Variants in PPP1CB observed in about 807,000 individuals in gnomAD.
The protein encoded by PPP1CB is serine/threonine-protein phosphatase PP1-beta catalytic subunit.
In PPP1CB, 2 loss-of-function variants were observed where a neutral mutation model predicts 43.7. The observed-to-expected ratio is 0.05, with a 90% CI of 0.02 to 0.14. PPP1CB has a LOEUF of 0.14. PPP1CB is among the 10% of genes least tolerant of loss of function. PPP1CB has a pLI of 1.00. For synonymous variants in PPP1CB, 136 were observed against 135.6 expected (o/e 1.00, Z -0.02); for missense variants, 84 against 398.0 (o/e 0.21, Z 6.71).
At chr2:28,765,640 G>C (rs1666763514) in intron 1 of PPP1CB, among the ~76,000 whole-genome samples, 1 of 152,014 alleles carries the variant, frequency 6.6e-6, no homozygotes, top group South Asian at 2.1e-4. Flanking sequence ...TTGCTGACTG[G>C]GTATGGTGGC....
At chr2:28,751,771 A>G (rs983015928), upstream of PPP1CB, 2 of 331,596 alleles carry the variant, frequency 6.0e-6, no homozygotes, top group East Asian at 9.9e-5. Context: ...GCGGCGCGCA[A>G]GGGACGTGCG....
intron 1 of PPP1CB, among the ~76,000 whole-genome samples, chr2:28,770,629 C>T (rs1229885343): frequency 6.6e-6 from 1 of 151,934 alleles, no homozygotes. Flanking sequence ...TTAAAATAGA[C>T]AAAACCACAA....
In PPP1CB at chr2:28,799,472, C is replaced by A; in HGVS notation, c.*169C>A. ...AATTTTTTTCTAATAGAAAGATGTG[C>A]TACACTGTATTGTAATAAGTATACT... On this transcript the variant is annotated 3_prime_UTR_variant, in exon 8 of 8. Transcript: ENST00000395366. 1.8e-6 allele frequency: 1 copy of A among 544,240 alleles called. No individual in the cohort carries two copies. The highest frequency in any genetic ancestry group is 3.3e-6 in the Non-Finnish European group (1 of 304,944). The allele number at this position is 544,240 out of a possible 1,614,324, so 33.7% of individuals were successfully genotyped here. A position where few individuals can be genotyped will look rare whatever the true frequency, so the allele number is the denominator to read the frequency against.
At position 28,788,154 on chromosome 2, in the gene PPP1CB, A is replaced by G. The variant is rs577061300; in HGVS notation, c.593-504A>G. 2.0e-5 allele frequency among the ~76,000 whole-genome samples: 3 copies of G among 152,304 alleles called. No homozygotes were observed. In the South Asian group the frequency reaches 6.2e-4, roughly 32 times the overall value. ...AAAAGATCAAAAAGTAACCAAGACA[A>G]TCCTGAAAAAAAAATGGAGGATACT... On this transcript the variant is annotated intron_variant, in intron 5 of 7. Transcript: ENST00000395366.
At chr2:28,764,079 C>T (rs901963096) in intron 1 of PPP1CB, among the ~76,000 whole-genome samples, 6 of 151,730 alleles carry the variant, frequency 4.0e-5, no homozygotes, top group Admixed American at 6.6e-5. Flanking sequence ...CACTTAAAAC[C>T]GTGTGTGTGT....
At chr2:28,766,316 A>G (rs562533518) in intron 1 of PPP1CB, among the ~76,000 whole-genome samples, 1 of 152,330 alleles carries the variant, frequency 6.6e-6, no homozygotes, top group South Asian at 2.1e-4. Flanking sequence ...CATGTAACTG[A>G]CAGTGGTTAA....
intron 1 of PPP1CB, among the ~76,000 whole-genome samples, chr2:28,769,166 CTG>C (rs1299721248): frequency 8.5e-5 from 13 of 152,134 alleles, no homozygotes; most frequent in Middle Eastern, 3.2e-3. Flanking sequence ...TCACCTGAAA[CTG>C]TGGAAGACAG....
rs185414912 is a variant in PPP1CB at position 28,802,603 on chromosome 2, C to G, written c.*3300C>G. On this transcript the variant is annotated 3_prime_UTR_variant, in exon 8 of 8. Coordinates refer to ENST00000395366, the MANE Select transcript of PPP1CB (RefSeq NM_002709.3). ...GAACAGTAGTTAAATAGGAAATAAA[C>G]TAGTTCCATATAAGTATACACCTAG... 6.6e-6 allele frequency: 1 copy of G among 152,302 alleles called. No individual in the cohort carries two copies. Among genetic ancestry groups the G allele is most frequent in the African/African-American group, 2.4e-5 (1 of 41,548 alleles). 9.4% of individuals were successfully genotyped at this position (152,302 alleles called of 1,614,324 possible).
At chr2:28,755,059 T>G (rs1017608376) in intron 1 of PPP1CB, among the ~76,000 whole-genome samples, 2 of 152,144 alleles carry the variant, frequency 1.3e-5, no homozygotes, top group Non-Finnish European at 2.9e-5. Context: ...TTGTTTTTTG[T>G]TTTTTTGAGA....
chr2:28,794,500 C>G (rs1413185375), intron 7 of PPP1CB, among the ~76,000 whole-genome samples: 1 of 152,042 alleles, frequency 6.6e-6, no homozygotes, highest in Non-Finnish European at 1.5e-5. Flanking sequence ...ACCGTCCTGG[C>G]TAACACTGTG....
Position 28,751,842 on chromosome 2 carries a change from G to C in PPP1CB, c.-283G>C. ...GCTGGTGAGCTTTGCGGAGCTGGGC[G>C]GTGCCGAGGAGGAGGAGGTGGCGGC... On this transcript the variant is annotated 5_prime_UTR_variant, in exon 1 of 8. Transcript: ENST00000395366. 1 of 525,162 alleles carries C rather than the reference G, an allele frequency of 1.9e-6. No individual in the cohort carries two copies. Among genetic ancestry groups the C allele is most frequent in the South Asian group, 1.9e-5 (1 of 52,646 alleles). 32.5% of individuals were successfully genotyped at this position (525,162 alleles called of 1,614,324 possible). A position where few individuals can be genotyped will look rare whatever the true frequency, so the allele number is the denominator to read the frequency against.
intron 5 of PPP1CB, among the ~76,000 whole-genome samples, chr2:28,788,204 T>C (rs529678392): frequency 2.6e-5 from 4 of 152,122 alleles, no homozygotes; most frequent in Non-Finnish European, 4.4e-5. Context: ...TAAAGACTTA[T>C]TAAAAAGCTC....
At chr2:28,788,854 T>G in intron 6 of PPP1CB, 45 bp downstream of exon 6, 1 of 1,526,570 alleles carries the variant, frequency 6.6e-7, no homozygotes, top group Non-Finnish European at 8.8e-7. Flanking sequence ...TTCTTTCTTT[T>G]TTTTGGGGGC....
chr2:28,781,352 C>A (rs1667154988), intron 3 of PPP1CB, among the ~76,000 whole-genome samples: 1 of 152,040 alleles, frequency 6.6e-6, no homozygotes, highest in South Asian at 2.1e-4. Context: ...TGGGAGAAAA[C>A]AACACTTAAA....
In PPP1CB at chr2:28,778,795, CTT is replaced by C. The variant is rs773394732; in HGVS notation, c.185-12_185-11del. On this transcript the variant is annotated splice_polypyrimidine_tract_variant and intron_variant, in intron 2 of 7. Coordinates refer to ENST00000395366, the MANE Select transcript of PPP1CB (RefSeq NM_002709.3). ...GTAACCAATTTTTCTAAAACTGACTCTTTCTCTTTTTAGGAGATATTCATGGA... is the reference window on the plus strand; with the variant it reads ...GTAACCAATTTTTCTAAAACTGACTCTCTCTTTTTAGGAGATATTCATGGA... 2.6e-6 allele frequency: 4 copies of C among 1,529,076 alleles called. No homozygotes were observed. Among genetic ancestry groups the C allele is most frequent in the South Asian group, 1.1e-5 (1 of 88,488 alleles). 94.7% of individuals were successfully genotyped at this position (1,529,076 alleles called of 1,614,324 possible).
At chr2:28,783,000 G>A (rs910608348) in intron 4 of PPP1CB, 6 of 152,174 alleles carry the variant, frequency 3.9e-5, no homozygotes, top group African/African-American at 1.2e-4. Flanking sequence ...TAGCAGTATG[G>A]ATACGAATGT....
chr2:28,760,936 T>C (rs141992876), intron 1 of PPP1CB, among the ~76,000 whole-genome samples: 53 of 152,272 alleles, frequency 3.5e-4, no homozygotes, highest in African/African-American at 1.2e-3. Flanking sequence ...AGTCTCACAC[T>C]GTTGTCCAGG....
chr2:28,754,791 C>G (rs943319190), intron 1 of PPP1CB, among the ~76,000 whole-genome samples: 1 of 152,142 alleles, frequency 6.6e-6, no homozygotes, highest in African/African-American at 2.4e-5. Flanking sequence ...GCAAGAATAA[C>G]TATGGTTAGT....
rs61477582 is a variant in PPP1CB at position 28,771,055 on chromosome 2, C to CTT, written c.53-5782_53-5781dup. Among the ~76,000 whole-genome samples the CTT allele has an allele frequency of 9.1e-3, 542 of 59,564 alleles. 3 individuals carry two copies. Among genetic ancestry groups the CTT allele is most frequent in the African/African-American group, 1.0e-2 (157 of 15,722 alleles). The allele number at this position is 59,564 out of a possible 152,430, so 39.1% of individuals were successfully genotyped here. A position where few individuals can be genotyped will look rare whatever the true frequency, so the allele number is the denominator to read the frequency against. ...TATTCCCTGCTCCCCCCCCCCCACCCTTTTTTTTTTTTTTTGAGGCAGAGT... is the reference window on the plus strand; with the variant it reads ...TATTCCCTGCTCCCCCCCCCCCACCCTTTTTTTTTTTTTTTTTGAGGCAGAGT... On this transcript the variant is annotated intron_variant, in intron 1 of 7. Transcript: ENST00000395366.
Sources: gnomAD v4.1 joint callset for allele counts (sites outside exome capture counted in the v4.1 genomes callset) on GRCh38, gnomAD v4.1.1 for gene constraint, MANE v1.5 for transcripts, NCBI Gene and HGNC (gene_info 2026-07-23, HGNC 2026-07-21) for gene names.